Variants in RARB observed in about 807,000 individuals in gnomAD.
The protein encoded by RARB is HBV-activated protein.
A neutral mutation model predicts 51.9 loss-of-function variants in RARB; 17 were observed. The observed-to-expected ratio is 0.33, with a 90% CI of 0.22 to 0.49. The LOEUF (loss-of-function observed/expected upper bound fraction) is 0.49, where lower values mean the gene tolerates loss of function less well. Ranked by LOEUF, RARB falls within the 20% of genes least tolerant of loss-of-function variation. RARB has a pLI of 0.99. For missense variants in RARB, 369 were observed against 550.8 expected (o/e 0.67, Z 3.30); for synonymous variants, 215 against 195.4 (o/e 1.10, Z -0.84).
intron 2 of RARB, among the ~76,000 whole-genome samples, chr3:24,937,189 T>C (rs1695563969): frequency 6.6e-6 from 1 of 152,220 alleles, no homozygotes; most frequent in Admixed American, 6.5e-5. Flanking sequence ...ATTAAAGTCG[T>C]GTCTTCTTTC....
intron 5 of RARB, among the ~76,000 whole-genome samples, chr3:25,317,039 G>A (rs1704444698): frequency 2.5e-5 from 2 of 80,046 alleles, no homozygotes; most frequent in Admixed American, 1.2e-4. Context: ...GTTGACTGAG[G>A]GAAATCTTAT....
At chr3:25,330,211 T>G (rs930332334) in intron 5 of RARB, among the ~76,000 whole-genome samples, 12 of 151,374 alleles carry the variant, frequency 7.9e-5, no homozygotes, top group African/African-American at 1.9e-4. Flanking sequence ...GACACATAAT[T>G]GTCAGATTCA....
intron 5 of RARB, among the ~76,000 whole-genome samples, chr3:25,240,946 C>A (rs746307764): frequency 3.9e-5 from 6 of 152,066 alleles, no homozygotes; most frequent in Non-Finnish European, 7.4e-5. Context: ...GACAATGAAG[C>A]CATTTGGCCC....
chr3:25,515,901 C>T (rs776220775), intron 3 of RARB, among the ~76,000 whole-genome samples: 7 of 152,236 alleles, frequency 4.6e-5, no homozygotes, highest in East Asian at 3.9e-4. Flanking sequence ...AGTAGTGGAA[C>T]GGCCATTTCT....
At chr3:25,282,103 G>C (rs1283414609) in intron 5 of RARB, among the ~76,000 whole-genome samples, 1 of 152,220 alleles carries the variant, frequency 6.6e-6, no homozygotes, top group Non-Finnish European at 1.5e-5. Context: ...AAAGGAAAGA[G>C]AGAACATTGT....
chr3:25,070,868 G>A (rs925061887), intron 3 of RARB, among the ~76,000 whole-genome samples: 1 of 152,138 alleles, frequency 6.6e-6, no homozygotes, highest in Non-Finnish European at 1.5e-5. Flanking sequence ...TACTAGTACT[G>A]GTGTCTCTAT....
intron 5 of RARB, among the ~76,000 whole-genome samples, chr3:25,201,127 C>T (rs1287793500): frequency 3.3e-5 from 5 of 151,886 alleles, no homozygotes; most frequent in Admixed American, 2.0e-4. Context: ...TTGTAGTTCT[C>T]CTTGAAGAGT....
intron 5 of RARB, among the ~76,000 whole-genome samples, chr3:25,379,251 A>G (rs1706556574): frequency 6.6e-6 from 1 of 152,108 alleles, no homozygotes; most frequent in South Asian, 2.1e-4. Flanking sequence ...GCATGGAAAC[A>G]TTTGTTATTT....
chr3:25,480,922 T>TATTCCCAGAGTTTCAG (rs1553621233), intron 2 of RARB, among the ~76,000 whole-genome samples: 1 of 152,182 alleles, frequency 6.6e-6, no homozygotes, highest in Non-Finnish European at 1.5e-5. Context: ...TAATTGATCC[T>TATTCCCAGAGTTTCAG]ATTCCCAGAG....
chr3:25,308,448 C>CTTTTTTTT (rs549224085), intron 5 of RARB, among the ~76,000 whole-genome samples: 2 of 130,744 alleles, frequency 1.5e-5, no homozygotes, highest in Non-Finnish European at 3.2e-5. Context: ...TTCTTTCTTT[C>CTTTTTTTT]TTTTTTTTTT....
chr3:25,580,051 G>A (rs1043706292), intron 4 of RARB, among the ~76,000 whole-genome samples: 1 of 152,192 alleles, frequency 6.6e-6, no homozygotes, highest in Non-Finnish European at 1.5e-5. Context: ...ATTATCCAGT[G>A]GTACAGGCAT....
At chr3:25,537,557 C>G (rs1037737609) in intron 3 of RARB, among the ~76,000 whole-genome samples, 1 of 152,084 alleles carries the variant, frequency 6.6e-6, no homozygotes. Flanking sequence ...TACTGTGGTG[C>G]CCTTGATTCC....
intron 5 of RARB, among the ~76,000 whole-genome samples, chr3:25,373,499 C>A (rs114128896): frequency 6.6e-6 from 1 of 152,046 alleles, no homozygotes; most frequent in African/African-American, 2.4e-5. Flanking sequence ...TAAGAAGTTC[C>A]CAGAAGTCAG....
intron 1 of RARB, among the ~76,000 whole-genome samples, chr3:24,837,971 C>T (rs1383898848): frequency 6.6e-6 from 1 of 152,118 alleles, no homozygotes; most frequent in Admixed American, 6.5e-5. Flanking sequence ...GCTTACCAGG[C>T]CAAAAATCAA....
chr3:25,323,660 T>C (rs1368076369), intron 5 of RARB, among the ~76,000 whole-genome samples: 1 of 152,206 alleles, frequency 6.6e-6, no homozygotes, highest in Admixed American at 6.5e-5. Flanking sequence ...TTTAGAACTC[T>C]TCAGAAAACC....
chr3:25,032,040 A>C (rs1236372811), intron 2 of RARB, among the ~76,000 whole-genome samples: 1 of 152,148 alleles, frequency 6.6e-6, no homozygotes, highest in Non-Finnish European at 1.5e-5. Context: ...CTAGATCCAC[A>C]CCCATCTGCT....
intron 5 of RARB, among the ~76,000 whole-genome samples, chr3:25,229,026 C>T (rs753063986): frequency 3.9e-5 from 6 of 152,140 alleles, no homozygotes; most frequent in Admixed American, 6.6e-5. Context: ...TATCCACTAA[C>T]TCAGTCTTCA....
intron 5 of RARB, among the ~76,000 whole-genome samples, chr3:25,247,174 C>T (rs1007752152): frequency 1.3e-5 from 2 of 152,196 alleles, no homozygotes; most frequent in Non-Finnish European, 1.5e-5. Context: ...CCTTCCCCCA[C>T]CAAGCTTGAG....
At chr3:25,053,042 A>G (rs188305692) in intron 2 of RARB, among the ~76,000 whole-genome samples, 1 of 152,292 alleles carries the variant, frequency 6.6e-6, no homozygotes, top group Non-Finnish European at 1.5e-5. Flanking sequence ...GTGAGTTCAG[A>G]GTGAAAATTA....
Sources: gnomAD v4.1 joint callset for allele counts (sites outside exome capture counted in the v4.1 genomes callset) on GRCh38, gnomAD v4.1.1 for gene constraint, MANE v1.5 for transcripts, NCBI Gene and HGNC (gene_info 2026-07-23, HGNC 2026-07-21) for gene names.